Variants in PPM1H observed in about 807,000 individuals in gnomAD.
PPM1H encodes protein phosphatase 1H.
Under a neutral mutation model 54.9 loss-of-function variants are expected in PPM1H, and 27 were observed. The ratio of observed to expected loss-of-function variants is 0.49; its 90% confidence interval spans 0.36 to 0.68. The LOEUF (loss-of-function observed/expected upper bound fraction) is 0.68, where lower values mean the gene tolerates loss of function less well. Among genes scored for constraint, PPM1H ranks in the 30% least tolerant of loss-of-function variants. The pLI, the probability that PPM1H is intolerant of heterozygous loss-of-function variation, is 0.00. For synonymous variants in PPM1H, 305 were observed against 270.8 expected, an observed-to-expected ratio of 1.13 and a Z score of -1.24; for missense variants, 596 against 667.8, an observed-to-expected ratio of 0.89 and a Z score of 1.19.
At chr12:62,795,548 A>G (rs1287664476) in intron 3 of PPM1H, among the ~76,000 whole-genome samples, 2 of 151,976 alleles carry the variant, frequency 1.3e-5, no homozygotes, top group Non-Finnish European at 2.9e-5. Context: ...CCGGGTTCAC[A>G]CCATTCTCCT....
rs554544876 is a variant in PPM1H at position 62,834,715 on chromosome 12, G to T, written c.246-2436C>A. On this transcript the variant is annotated intron_variant, in intron 1 of 9. Transcript: ENST00000228705. ...GCTATCCAGGCCAAGTCACTGGGGG[G>T]GCCTGCTGCTGAAGCTCGTAGTACA... is the stretch of plus-strand genomic sequence containing the variant. Among the ~76,000 whole-genome samples, 8 of 152,248 alleles carry T rather than the reference G, an allele frequency of 5.3e-5. No individual in the cohort carries two copies. The South Asian group carries it at 1.5e-3, about 28-fold the overall frequency.
intron 4 of PPM1H, among the ~76,000 whole-genome samples, chr12:62,779,288 C>T (rs1047599786): frequency 6.6e-6 from 1 of 152,120 alleles, no homozygotes; most frequent in African/African-American, 2.4e-5. Context: ...ACCTTGTGAT[C>T]TGCCTGCCTC....
intron 4 of PPM1H, among the ~76,000 whole-genome samples, chr12:62,742,114 G>T (rs2120541745): frequency 6.6e-6 from 1 of 152,076 alleles, no homozygotes; most frequent in East Asian, 1.9e-4. Context: ...AGCTCACCAT[G>T]TTTACTTTGT....
At chr12:62,658,862 AAAAG>A (rs1406362031) in intron 9 of PPM1H, 1 of 597,140 alleles carries the variant, frequency 1.7e-6, no homozygotes, top group Non-Finnish European at 3.2e-6. Context: ...GATTGTCAAA[AAAAG>A]AACCAAGAAG....
chr12:62,707,427 C>T (rs2076182064), intron 6 of PPM1H, among the ~76,000 whole-genome samples: 1 of 152,158 alleles, frequency 6.6e-6, no homozygotes, highest in Admixed American at 6.5e-5. Context: ...CCACCAGCAG[C>T]CCAGGAGTCA....
At chr12:62,671,204 A>C (rs968357076) in intron 8 of PPM1H, among the ~76,000 whole-genome samples, 1 of 152,132 alleles carries the variant, frequency 6.6e-6, no homozygotes, top group African/African-American at 2.4e-5. Flanking sequence ...TGGGCTCTGA[A>C]GCTCCCCAGG....
At chr12:62,774,999 C>T (rs2076601749) in intron 4 of PPM1H, among the ~76,000 whole-genome samples, 1 of 152,140 alleles carries the variant, frequency 6.6e-6, no homozygotes, top group Admixed American at 6.5e-5. Flanking sequence ...GAGTGGTTCC[C>T]ACAGTGGCCC....
At chr12:62,811,463 T>G (rs2076834879) in intron 2 of PPM1H, among the ~76,000 whole-genome samples, 1 of 152,196 alleles carries the variant, frequency 6.6e-6, no homozygotes. Flanking sequence ...CGCTCTACTG[T>G]GCAACTCCTG....
intron 4 of PPM1H, among the ~76,000 whole-genome samples, chr12:62,781,332 C>G (rs1214339431): frequency 6.6e-6 from 1 of 152,190 alleles, no homozygotes; most frequent in Non-Finnish European, 1.5e-5. Flanking sequence ...GGCAGGTCGC[C>G]CCCGCCCCAC....
chr12:62,906,572 T>C (rs1207748283), intron 1 of PPM1H, among the ~76,000 whole-genome samples: 1 of 152,138 alleles, frequency 6.6e-6, no homozygotes, highest in African/African-American at 2.4e-5. Flanking sequence ...CAAAAACCCC[T>C]AGAATATTAA....
At chr12:62,696,907 C>T (rs1177006532) in intron 6 of PPM1H, among the ~76,000 whole-genome samples, 1 of 152,210 alleles carries the variant, frequency 6.6e-6, no homozygotes, top group Non-Finnish European at 1.5e-5. Flanking sequence ...GGGAATTTCT[C>T]ATTCTAGTCC....
At chr12:62,851,745 T>C (rs1869194750) in intron 1 of PPM1H, among the ~76,000 whole-genome samples, 1 of 152,076 alleles carries the variant, frequency 6.6e-6, no homozygotes, top group African/African-American at 2.4e-5. Flanking sequence ...TTGTTACAAC[T>C]GAAGGTGACT....
At chr12:62,651,994 C>A (rs1451529941) in intron 9 of PPM1H, among the ~76,000 whole-genome samples, 1 of 152,180 alleles carries the variant, frequency 6.6e-6, no homozygotes, top group African/African-American at 2.4e-5. Context: ...CTCTGATGCT[C>A]CTTCTTAATT....
chr12:62,886,018 T>C (rs191440524), intron 1 of PPM1H, among the ~76,000 whole-genome samples: 6 of 152,360 alleles, frequency 3.9e-5, no homozygotes, highest in Non-Finnish European at 5.9e-5. Context: ...TAAAGGTGAA[T>C]AGTCCAGAAT....
intron 1 of PPM1H, among the ~76,000 whole-genome samples, chr12:62,899,166 T>C (rs902685590): frequency 2.6e-5 from 4 of 152,236 alleles, no homozygotes; most frequent in Non-Finnish European, 5.9e-5. Context: ...AGACTACTTT[T>C]TCCCTTAAAA....
chr12:62,649,243 T>C (rs890685373), intron 9 of PPM1H, among the ~76,000 whole-genome samples: 1 of 151,774 alleles, frequency 6.6e-6, no homozygotes, highest in African/African-American at 2.4e-5. Flanking sequence ...TGTAAATGAC[T>C]GATAAGCCTT....
At chr12:62,753,193 CT>C (rs1339634846) in intron 4 of PPM1H, among the ~76,000 whole-genome samples, 1 of 152,174 alleles carries the variant, frequency 6.6e-6, no homozygotes, top group Non-Finnish European at 1.5e-5. Flanking sequence ...AAAAATAGGT[CT>C]GTTCTCTCAT....
intron 2 of PPM1H, among the ~76,000 whole-genome samples, chr12:62,828,236 C>T (rs12367672): frequency 0.071 from 10,740 of 152,242 alleles, 509 homozygotes; most frequent in Middle Eastern, 0.13. Flanking sequence ...AAGTGGAAGC[C>T]AAAGTCTTGA....
At chr12:62,902,355 A>AAATAAT (rs903508211) in intron 1 of PPM1H, among the ~76,000 whole-genome samples, 2 of 151,348 alleles carry the variant, frequency 1.3e-5, no homozygotes, top group African/African-American at 4.8e-5. Flanking sequence ...CTCCAACTCA[A>AAATAAT]AATAATAATA....
Sources: allele counts gnomAD v4.1 joint callset (sites outside exome capture counted in the v4.1 genomes callset), GRCh38; gene constraint gnomAD v4.1.1; transcripts MANE v1.5; gene names NCBI Gene and HGNC (gene_info 2026-07-23, HGNC 2026-07-21).